The following CYFIP2 variants were observed in gnomAD, a reference collection of about 807,000 sequenced individuals.
CYFIP2 encodes cytoplasmic FMR1-interacting protein 2.
CYFIP2 carries 29 observed loss-of-function variants against 158.7 expected under a neutral mutation model. That is an observed-to-expected ratio of 0.18 (90% CI 0.14 to 0.25). The LOEUF (loss-of-function observed/expected upper bound fraction) is 0.25. Among genes scored for constraint, CYFIP2 ranks in the 10% least tolerant of loss-of-function variants. The probability of loss-of-function intolerance (pLI) is 1.00; values close to 1 mark genes in which losing one functional copy is unlikely to be tolerated. For missense variants in CYFIP2, 852 were observed against 1,639.5 expected (o/e 0.52, Z 8.29); for synonymous variants, 585 against 617.6 (o/e 0.95, Z 0.78).
At chr5:157,389,451 G>C in intron 29 of CYFIP2, 24 bp downstream of exon 29, 2 of 1,538,096 alleles carry the variant, frequency 1.3e-6, no homozygotes, top group Non-Finnish European at 1.8e-6. Flanking sequence ...AGAGAAGGCA[G>C]GGTTACCCCC....
intron 22 of CYFIP2, among the ~76,000 whole-genome samples, chr5:157,340,839 G>A (rs139236067): frequency 8.5e-4 from 129 of 152,306 alleles, no homozygotes; most frequent in African/African-American, 3.0e-3. Flanking sequence ...ACAAGCCCCT[G>A]GTTGAGCCCA....
Position 157,390,533 on chromosome 5 carries a change from C to A in CYFIP2, c.3459C>A (p.Gly1153=), listed in dbSNP as rs368047583. The change falls in exon 30 of 31, where the codon GGC becomes GGA. Residue 1153 remains glycine (G), a synonymous_variant. Coordinates refer to ENST00000620254, the MANE Select transcript of CYFIP2 (RefSeq NM_001037333.3). ...CCCCTGCTCCCAGGCAGTGTTTCGG[C>A]GATGGCTTGAACTGGGCTGGTTGCT... ...TNEFTAEQCF[G]DGLNWAGCSI... The A allele has an allele frequency of 1.7e-5, 27 of 1,550,394 alleles. No individual in the cohort carries two copies. In the East Asian group the frequency reaches 2.7e-4, roughly 15 times the overall value.
At chr5:157,337,462 C>G (rs937060753) in intron 21 of CYFIP2, among the ~76,000 whole-genome samples, 2 of 152,254 alleles carry the variant, frequency 1.3e-5, no homozygotes, top group African/African-American at 4.8e-5. Context: ...CAAACTTTCT[C>G]TTCACCCCAG....
chr5:157,268,146 T>G (rs1248093222), intron 1 of CYFIP2, among the ~76,000 whole-genome samples: 2 of 152,264 alleles, frequency 1.3e-5, no homozygotes, highest in Non-Finnish European at 2.9e-5. Context: ...CTCTAGCTAG[T>G]TGTGCGCACT....
chr5:157,303,866 C>T (rs903514499), intron 7 of CYFIP2, among the ~76,000 whole-genome samples: 5 of 151,534 alleles, frequency 3.3e-5, no homozygotes, highest in Non-Finnish European at 7.4e-5. Flanking sequence ...GTTTTGCTGC[C>T]GTTGTCTGAG....
At chr5:157,377,994 G>GA (rs1176052515) in intron 26 of CYFIP2, among the ~76,000 whole-genome samples, 1 of 152,194 alleles carries the variant, frequency 6.6e-6, no homozygotes, top group Non-Finnish European at 1.5e-5. Context: ...GCTCTGGTAA[G>GA]TTTTTAAAAA....
intron 22 of CYFIP2, 36 bp downstream of exon 22, chr5:157,339,292 G>A: frequency 1.3e-6 from 2 of 1,586,934 alleles, no homozygotes; most frequent in Non-Finnish European, 1.7e-6. Context: ...GCCGGGTGGG[G>A]GTTGGGGGAG....
intron 13 of CYFIP2, among the ~76,000 whole-genome samples, chr5:157,318,272 A>G (rs1760311796): frequency 6.6e-6 from 1 of 152,186 alleles, no homozygotes; most frequent in Non-Finnish European, 1.5e-5. Context: ...TGGGGGTTTC[A>G]GCTAAGAAAT....
intron 20 of CYFIP2, among the ~76,000 whole-genome samples, chr5:157,332,566 C>T (rs7728259): frequency 0.017 from 2,611 of 152,320 alleles, 82 homozygotes; most frequent in African/African-American, 0.06. Context: ...AGTTCCCATT[C>T]GTCCCAGTTA....
At chr5:157,300,484 G>T (rs1211358897) in intron 5 of CYFIP2, among the ~76,000 whole-genome samples, 4 of 149,470 alleles carry the variant, frequency 2.7e-5, no homozygotes, top group Non-Finnish European at 5.9e-5. Flanking sequence ...GCAGTGAGCC[G>T]AGATCGCACC....
chr5:157,379,091 T>C (rs1277312659), intron 26 of CYFIP2, among the ~76,000 whole-genome samples: 1 of 152,184 alleles, frequency 6.6e-6, no homozygotes, highest in East Asian at 1.9e-4. Flanking sequence ...ATAACACTCA[T>C]GAGGGTAACC....
rs1008014710 is a variant in CYFIP2, at chr5:157,389,172, T to G, written c.3208-17T>G. The G allele has an allele frequency of 6.2e-5, 99 of 1,590,256 alleles. No individual in the cohort carries two copies. Among genetic ancestry groups the G allele is most frequent in the Non-Finnish European group, 8.3e-5 (97 of 1,164,426 alleles). ...CTAAGATGTGGATAGAAGGTGTATGTGCCCTTCTGTTTCCAGCAAATCGCC... is the reference window on the plus strand; with the variant it reads ...CTAAGATGTGGATAGAAGGTGTATGGGCCCTTCTGTTTCCAGCAAATCGCC... On this transcript the variant is annotated splice_polypyrimidine_tract_variant and intron_variant, in intron 28 of 30. Transcript: ENST00000620254.
intron 7 of CYFIP2, among the ~76,000 whole-genome samples, chr5:157,303,867 G>A (rs868451533): frequency 5.9e-5 from 9 of 151,694 alleles, no homozygotes; most frequent in Middle Eastern, 3.4e-3. Context: ...TTTTGCTGCC[G>A]TTGTCTGAGA....
chr5:157,368,894 GTTTT>G (rs1175045539), intron 26 of CYFIP2, among the ~76,000 whole-genome samples: 1 of 109,148 alleles, frequency 9.2e-6, no homozygotes, highest in Non-Finnish European at 2.0e-5. Flanking sequence ...GAGGTTTTTT[GTTTT>G]TTTGTTTTTT....
chr5:157,372,491 G>A (rs568491547), intron 26 of CYFIP2, among the ~76,000 whole-genome samples: 2 of 152,160 alleles, frequency 1.3e-5, no homozygotes, highest in African/African-American at 2.4e-5. Context: ...AACTTCAACA[G>A]GGGATCAAAA....
intron 19 of CYFIP2, among the ~76,000 whole-genome samples, chr5:157,328,775 G>GA (rs957911465): frequency 6.6e-6 from 1 of 152,194 alleles, no homozygotes; most frequent in African/African-American, 2.4e-5. Flanking sequence ...TATGGAGAAT[G>GA]AATTGGAGAG....
At chr5:157,327,761 T>G (rs1341590682) in intron 18 of CYFIP2, among the ~76,000 whole-genome samples, 1 of 152,182 alleles carries the variant, frequency 6.6e-6, no homozygotes, top group Non-Finnish European at 1.5e-5. Context: ...GGGTCCTTTT[T>G]GAACTTTGAC....
chr5:157,315,328 G>T (rs1320683383), intron 13 of CYFIP2, among the ~76,000 whole-genome samples: 1 of 151,998 alleles, frequency 6.6e-6, no homozygotes, highest in African/African-American at 2.4e-5. Context: ...AAAAAAACGG[G>T]CACAAAGAAA....
intron 1 of CYFIP2, among the ~76,000 whole-genome samples, chr5:157,269,080 C>A (rs1755859701): frequency 6.6e-6 from 1 of 152,130 alleles, no homozygotes; most frequent in Non-Finnish European, 1.5e-5. Context: ...CAACCCTTGG[C>A]TATTACCAGC....
Sources: allele counts gnomAD v4.1 joint callset (sites outside exome capture counted in the v4.1 genomes callset), GRCh38; gene constraint gnomAD v4.1.1; transcripts MANE v1.5; gene names NCBI Gene and HGNC (gene_info 2026-07-23, HGNC 2026-07-21).